MATR3: variants seen among roughly 807,000 people sequenced by gnomAD.
MATR3 encodes the protein matrin 3, also known as matrin-3.
Under a neutral mutation model 85.5 loss-of-function variants are expected in MATR3, and 4 were observed. The observed-to-expected ratio is 0.05, with a 90% CI of 0.02 to 0.11. The LOEUF (loss-of-function observed/expected upper bound fraction) is 0.11. Among genes scored for constraint, MATR3 ranks in the 10% least tolerant of loss-of-function variants. The pLI is 1.00. For missense variants in MATR3, 685 were observed against 1,016.1 expected (o/e 0.67, Z 4.43); for synonymous variants, 336 against 343.1 (o/e 0.98, Z 0.23).
At chr5:139,287,440 G>A (rs535986012) in intron 3 of MATR3, among the ~76,000 whole-genome samples, 1 of 152,092 alleles carries the variant, frequency 6.6e-6, no homozygotes, top group South Asian at 2.1e-4. Flanking sequence ...CCAATGTGGC[G>A]AAACCCCATC....
rs767883760 is a variant in MATR3, at chr5:139,329,298, G to A, written c.2494-47G>A. The A allele has an allele frequency of 1.1e-5, 15 of 1,340,188 alleles. 1 individual carries two copies. Among genetic ancestry groups the A allele is most frequent in the South Asian group, 8.2e-5 (7 of 85,122 alleles). 83.0% of individuals were successfully genotyped at this position (1,340,188 alleles called of 1,614,324 possible). ...GATTTTGGAATTAATCCATTTTGCTGCATTTCTCTTAGGTGACTTAATGGC... is the reference window on the plus strand; with the variant it reads ...GATTTTGGAATTAATCCATTTTGCTACATTTCTCTTAGGTGACTTAATGGC... On this transcript the variant is annotated intron_variant, in intron 14 of 14. Coordinates refer to ENST00000394805, the MANE Select transcript of MATR3 (RefSeq NM_018834.6).
chr5:139,309,517 A>G (rs1016046167), intron 2 of MATR3, among the ~76,000 whole-genome samples: 1 of 152,142 alleles, frequency 6.6e-6, no homozygotes, highest in African/African-American at 2.4e-5. Context: ...GTTAAAGAGT[A>G]TTACCAGTCA....
rs748592981 is a variant in MATR3, at chr5:139,321,933, G to A, written c.1638G>A (p.Met546Ile). 1.4e-5 allele frequency: 22 copies of A among 1,613,774 alleles called. 1 individual carries two copies. Among genetic ancestry groups the A allele is most frequent in the South Asian group, 1.1e-4 (10 of 91,078 alleles). ...FIEMETREDA[M>I]AMVDHCLKKA... is the part of the protein sequence containing the mutation. ...AGATGGAGACAAGAGAAGATGCAAT[G>A]GCAATGGTTGACCATTGTTTGAAAA... Residue 546 changes from methionine to isoleucine, a missense_variant, in exon 10 of 15, where the codon ATG becomes ATA. Met to Ile is a conservative substitution (Grantham distance 10). Coordinates refer to ENST00000394805, the MANE Select transcript of MATR3 (RefSeq NM_018834.6).
intron 3 of MATR3, among the ~76,000 whole-genome samples, chr5:139,285,862 TAGTC>T (rs1053999000): frequency 1.8e-4 from 28 of 151,834 alleles, no homozygotes; most frequent in Middle Eastern, 3.4e-3. Context: ...CACTTGAAAT[TAGTC>T]AGAGGAAAAA....
At chr5:139,306,918 T>C (rs1754740677) in intron 1 of MATR3, among the ~76,000 whole-genome samples, 2 of 152,158 alleles carry the variant, frequency 1.3e-5, no homozygotes, top group South Asian at 4.1e-4. Context: ...ATTTTTATTC[T>C]TCTAAAAGAA....
chr5:139,324,621 T>A (rs1014779601), intron 12 of MATR3, among the ~76,000 whole-genome samples: 1 of 152,138 alleles, frequency 6.6e-6, no homozygotes, highest in Non-Finnish European at 1.5e-5. Context: ...GCCATTACAC[T>A]GTTTGAGTAT....
chr5:139,309,739 A>G (rs186799216), intron 2 of MATR3, among the ~76,000 whole-genome samples: 99 of 152,296 alleles, frequency 6.5e-4, no homozygotes, highest in African/African-American at 2.0e-3. Flanking sequence ...TGTTGGCTCT[A>G]CTAAATATAT....
In MATR3 at chr5:139,314,922, C is replaced by A. The variant is rs1012851094; in HGVS notation, c.974+186C>A. On this transcript the variant is annotated intron_variant, in intron 3 of 14. Transcript: ENST00000394805. ...GAAATTTCATATTGAATATTAGATG[C>A]AGTAATAATATTTTGTTATTTAACA... The A allele has an allele frequency of 1.2e-5, 7 of 564,176 alleles. No homozygotes were observed. In the Admixed American group the frequency reaches 1.7e-4, roughly 14 times the overall value. The allele number at this position is 564,176 out of a possible 1,614,324, so 34.9% of individuals were successfully genotyped here.
chr5:139,282,433 G>T (rs1015469593), intron 3 of MATR3, among the ~76,000 whole-genome samples: 1 of 152,138 alleles, frequency 6.6e-6, no homozygotes, highest in African/African-American at 2.4e-5. Context: ...TCCAGTAAAG[G>T]CCCTTTAGGA....
chr5:139,295,244 C>A (rs986072140), intron 1 of MATR3, among the ~76,000 whole-genome samples: 2 of 152,126 alleles, frequency 1.3e-5, no homozygotes, highest in Admixed American at 6.5e-5. Flanking sequence ...TTTTAAAAAT[C>A]AAGAAAGGCT....
rs1025607902 is a variant in MATR3, at chr5:139,314,589, G to C, written c.913-86G>C. The C allele has an allele frequency of 6.1e-5, 63 of 1,031,210 alleles. 1 individual carries two copies. The South Asian group carries it at 7.7e-4, about 13-fold the overall frequency. The allele number at this position is 1,031,210 out of a possible 1,614,324, so 63.9% of individuals were successfully genotyped here. Reference sequence around the variant, plus strand: ...TTTGTACAGCCTATGATACTGCATAGACATTAATATCCTAGAGTTTGAATG... The same window carrying C: ...TTTGTACAGCCTATGATACTGCATACACATTAATATCCTAGAGTTTGAATG... On this transcript the variant is annotated intron_variant, in intron 2 of 14. Transcript: ENST00000394805.
intron 12 of MATR3, among the ~76,000 whole-genome samples, chr5:139,323,326 A>G (rs1297514065): frequency 6.6e-6 from 1 of 152,142 alleles, no homozygotes; most frequent in African/African-American, 2.4e-5. Flanking sequence ...CAGTAAGTTA[A>G]CTGACCCAAC....
chr5:139,317,407 T>G (rs1755306523), intron 6 of MATR3, among the ~76,000 whole-genome samples, 189 bp from the exon 7 acceptor site: 1 of 152,216 alleles, frequency 6.6e-6, no homozygotes, highest in Non-Finnish European at 1.5e-5. Context: ...GTTTAACCGT[T>G]TGGTTATGGT....
chr5:139,289,858 C>G (rs1753816875), upstream of MATR3, among the ~76,000 whole-genome samples: 1 of 152,192 alleles, frequency 6.6e-6, no homozygotes, highest in Non-Finnish European at 1.5e-5. Flanking sequence ...TTCAGCCTTT[C>G]CAGTCTATTT....
At chr5:139,327,509 C>T (rs1241680677) in intron 14 of MATR3, among the ~76,000 whole-genome samples, 4 of 152,162 alleles carry the variant, frequency 2.6e-5, no homozygotes, top group Admixed American at 1.3e-4. Flanking sequence ...CCAACCCCCG[C>T]CTCCCAGGTT....
chr5:139,310,006 G>A (rs527272853), intron 2 of MATR3: 4 of 152,234 alleles, frequency 2.6e-5, no homozygotes, highest in South Asian at 2.1e-4. Flanking sequence ...AAAAATCTTC[G>A]CTACTGGAGT....
chr5:139,298,474 A>G (rs1754276204), intron 1 of MATR3, among the ~76,000 whole-genome samples: 2 of 152,142 alleles, frequency 1.3e-5, no homozygotes, highest in South Asian at 4.1e-4. Flanking sequence ...GGAGACGCTG[A>G]AGCAGAATTG....
At chr5:139,294,043 A>AGGGAAACACGCGGCCGGCC in intron 1 of MATR3, 1 of 1,245,464 alleles carries the variant, frequency 8.0e-7, no homozygotes. Flanking sequence ...GCGGTCCGGG[A>AGGGAAACACGCGGCCGGCC]GGGAAACACG....
chr5:139,325,153 A>G (rs751609394), intron 12 of MATR3: 152 of 1,160,680 alleles, frequency 1.3e-4, no homozygotes, highest in Non-Finnish European at 1.7e-4. Context: ...AGATCGCGCC[A>G]CTGCACCCCA....
Sources: allele counts gnomAD v4.1 joint callset (sites outside exome capture counted in the v4.1 genomes callset), GRCh38; gene constraint gnomAD v4.1.1; transcripts MANE v1.5; gene names NCBI Gene and HGNC (gene_info 2026-07-23, HGNC 2026-07-21).